The following ARID4A variants were observed in gnomAD, a reference collection of about 807,000 sequenced individuals.
The protein encoded by ARID4A is AT-rich interactive domain-containing protein 4A.
A neutral mutation model predicts 148.6 loss-of-function variants in ARID4A; 39 were observed. That is an observed-to-expected ratio of 0.26 (90% CI 0.20 to 0.34). The LOEUF (loss-of-function observed/expected upper bound fraction) is 0.34, where lower values mean the gene tolerates loss of function less well. ARID4A is among the 10% of genes least tolerant of loss of function. The pLI, the probability that ARID4A is intolerant of heterozygous loss-of-function variation, is 1.00. For synonymous variants in ARID4A, 475 were observed against 481.2 expected (o/e 0.99, Z 0.17); for missense variants, 1,265 against 1,449.1 (o/e 0.87, Z 2.06).
At chr14:58,312,398 T>C (rs2032108772) in intron 5 of ARID4A, among the ~76,000 whole-genome samples, 1 of 152,056 alleles carries the variant, frequency 6.6e-6, no homozygotes, top group East Asian at 1.9e-4. Flanking sequence ...ATATTTTTAG[T>C]AGAGACGGGG....
Position 58,323,579 on chromosome 14 carries a change from G to T in ARID4A, c.544G>T (p.Val182Leu), listed in dbSNP as rs1566683158. The part of the protein sequence containing the change: ...DELLGKVVSV[V>L]SATERTEWYP... ...ATTACTAGGAAAAGTTGTAAGTGTGGTGTCTGCAACGGAGAGGACTGAATG... is the reference window on the plus strand; with the variant it reads ...ATTACTAGGAAAAGTTGTAAGTGTGTTGTCTGCAACGGAGAGGACTGAATG... The change falls in exon 8 of 24, where the codon GTG becomes TTG. Residue 182 changes from valine to leucine, a missense_variant. Coordinates refer to ENST00000355431, the MANE Select transcript of ARID4A (RefSeq NM_002892.4). 1 of 1,614,042 alleles carries T rather than the reference G, an allele frequency of 6.2e-7. No homozygotes were observed. The highest frequency in any genetic ancestry group is 1.7e-5 in the Admixed American group (1 of 59,998).
At chr14:58,314,873 C>T (rs2032300612) in intron 5 of ARID4A, among the ~76,000 whole-genome samples, 2 of 152,180 alleles carry the variant, frequency 1.3e-5, no homozygotes, top group Non-Finnish European at 2.9e-5. Flanking sequence ...AATCCCAGCA[C>T]TTTGGAAGGC....
intron 11 of ARID4A, among the ~76,000 whole-genome samples, chr14:58,343,184 A>AT (rs767489960): frequency 2.8e-4 from 43 of 152,276 alleles, no homozygotes; most frequent in Non-Finnish European, 5.6e-4. Context: ...TAATCTGAGC[A>AT]TTAAGTAATG....
intron 18 of ARID4A, among the ~76,000 whole-genome samples, chr14:58,360,065 CAAAAAA>C (rs11376633): frequency 8.4e-6 from 1 of 118,686 alleles, no homozygotes; most frequent in Non-Finnish European, 1.8e-5. Context: ...GACTCCGTCT[CAAAAAA>C]AAAAAAAAAA....
At chr14:58,306,811 G>A (rs1248157292) in intron 5 of ARID4A, among the ~76,000 whole-genome samples, 3 of 152,112 alleles carry the variant, frequency 2.0e-5, no homozygotes, top group Non-Finnish European at 2.9e-5. Context: ...CCTGGGAGGC[G>A]GAGGTTGCAA....
chr14:58,354,945 G>A (rs964632998), intron 17 of ARID4A, among the ~76,000 whole-genome samples: 1 of 152,178 alleles, frequency 6.6e-6, no homozygotes, highest in African/African-American at 2.4e-5. Context: ...TCTTGTTTCT[G>A]TTTTGATACA....
chr14:58,337,532 T>G (rs1438884306), intron 11 of ARID4A, among the ~76,000 whole-genome samples: 1 of 152,092 alleles, frequency 6.6e-6, no homozygotes, highest in Non-Finnish European at 1.5e-5. Flanking sequence ...AGATTTGTTA[T>G]AAGGTTCTAG....
chr14:58,370,446 G>A (rs2035555219), intron 23 of ARID4A, among the ~76,000 whole-genome samples: 2 of 151,408 alleles, frequency 1.3e-5, no homozygotes, highest in African/African-American at 2.4e-5. Context: ...ACAGGTGCCC[G>A]CCACCATGCC....
chr14:58,359,023 C>G, intron 17 of ARID4A, 109 bp from the exon 18 acceptor site: 1 of 1,240,152 alleles, frequency 8.1e-7, no homozygotes, highest in Non-Finnish European at 1.1e-6. Flanking sequence ...ACACTAAGAA[C>G]AAACTATTTA....
chr14:58,299,609 C>T, intron 1 of ARID4A, 189 bp from the exon 2 acceptor site: 1 of 585,888 alleles, frequency 1.7e-6, no homozygotes, highest in South Asian at 2.0e-5. Flanking sequence ...GAACGGGCTG[C>T]CCTTTGGCGC....
chr14:58,332,797 A>G (rs557394382), intron 11 of ARID4A, among the ~76,000 whole-genome samples: 6 of 152,282 alleles, frequency 3.9e-5, no homozygotes, highest in Admixed American at 2.6e-4. Context: ...TGAAGATTCA[A>G]TGTTGCATTA....
chr14:58,356,243 C>G (rs965637517), intron 17 of ARID4A, among the ~76,000 whole-genome samples: 1 of 152,160 alleles, frequency 6.6e-6, no homozygotes, highest in Non-Finnish European at 1.5e-5. Flanking sequence ...AAAAATCAGG[C>G]CTGTGCTTCT....
At chr14:58,333,429 T>C (rs1229063928) in intron 11 of ARID4A, among the ~76,000 whole-genome samples, 2 of 152,068 alleles carry the variant, frequency 1.3e-5, no homozygotes, top group Non-Finnish European at 2.9e-5. Flanking sequence ...GGATGGTTGT[T>C]TAGAAAACTT....
chr14:58,328,353 G>GAAAAAAA, intron 9 of ARID4A, 37 bp downstream of exon 9: 1 of 1,211,856 alleles, frequency 8.3e-7, no homozygotes, highest in Non-Finnish European at 1.2e-6. Flanking sequence ...TACGTGGGAG[G>GAAAAAAA]AAAAAAAAAA....
chr14:58,341,011 CTT>C (rs2034092646), intron 11 of ARID4A, among the ~76,000 whole-genome samples: 1 of 152,122 alleles, frequency 6.6e-6, no homozygotes, highest in Admixed American at 6.5e-5. Context: ...CAGTGGTTCT[CTT>C]TTCTTCCCTC....
chr14:58,342,370 G>A (rs1299497513), intron 11 of ARID4A, among the ~76,000 whole-genome samples: 2 of 151,630 alleles, frequency 1.3e-5, no homozygotes, highest in Non-Finnish European at 2.9e-5. Flanking sequence ...ATAGTTTCTC[G>A]TGAAACCTAA....
intron 17 of ARID4A, among the ~76,000 whole-genome samples, chr14:58,355,822 A>G (rs907102769): frequency 6.6e-6 from 1 of 152,022 alleles, no homozygotes; most frequent in African/African-American, 2.4e-5. Flanking sequence ...ACATCTGTAT[A>G]TGTCTGTGTT....
At chr14:58,365,670 C>T in intron 21 of ARID4A, 48 bp downstream of exon 21, 1 of 1,507,618 alleles carries the variant, frequency 6.6e-7, no homozygotes, top group East Asian at 2.3e-5. Flanking sequence ...GTATTTTTAG[C>T]AGTTTGTTGG....
chr14:58,343,164 T>C (rs550013288), intron 11 of ARID4A, among the ~76,000 whole-genome samples: 1 of 152,360 alleles, frequency 6.6e-6, no homozygotes, highest in Admixed American at 6.5e-5. Flanking sequence ...GGGAAAAAAC[T>C]GCCATCTCTT....
Sources: allele counts gnomAD v4.1 joint callset (sites outside exome capture counted in the v4.1 genomes callset), GRCh38; gene constraint gnomAD v4.1.1; transcripts MANE v1.5; gene names NCBI Gene and HGNC (gene_info 2026-07-23, HGNC 2026-07-21).